Variants in ANO4 observed in about 807,000 individuals in gnomAD.
ANO4 encodes the protein anoctamin-4.
ANO4 carries 69 observed loss-of-function variants against 141.9 expected under a neutral mutation model. That is an observed-to-expected ratio of 0.49 (90% CI 0.40 to 0.59). The LOEUF is 0.59. ANO4 is among the 20% of genes least tolerant of loss of function. The pLI is 0.00. For missense variants in ANO4, 894 were observed against 1,162.2 expected (o/e 0.77, Z 3.36); for synonymous variants, 350 against 394.3 (o/e 0.89, Z 1.33).
chr12:101,087,105 G>A (rs1051887965), intron 17 of ANO4, among the ~76,000 whole-genome samples: 1 of 152,098 alleles, frequency 6.6e-6, no homozygotes, highest in Non-Finnish European at 1.5e-5. Flanking sequence ...AGATTATATT[G>A]TGAACCCCTT....
intron 3 of ANO4, among the ~76,000 whole-genome samples, chr12:100,923,871 A>G (rs1178635015): frequency 6.6e-6 from 1 of 151,938 alleles, no homozygotes; most frequent in Non-Finnish European, 1.5e-5. Flanking sequence ...TTTGATTTGC[A>G]TTTCTCTGAT....
At chr12:100,847,557 C>T (rs370532848) in intron 1 of ANO4, among the ~76,000 whole-genome samples, 23 of 149,492 alleles carry the variant, frequency 1.5e-4, no homozygotes, top group African/African-American at 3.4e-4. Flanking sequence ...CTGCAAGCTC[C>T]GCCTCCCGGG....
chr12:100,831,577 G>C (rs982549961), intron 1 of ANO4, among the ~76,000 whole-genome samples: 1 of 152,124 alleles, frequency 6.6e-6, no homozygotes. Flanking sequence ...GGGCTCCTCA[G>C]TGTGGTAACA....
chr12:101,110,400 C>T lies in ANO4; in HGVS notation c.2150-4C>T, dbSNP rs1462799754. ...TCTGCTCTTTTTCCTTTTTTCTTTT[C>T]TAGTTCTTCAGTTTGGATTCACAAC... On this transcript the variant is annotated splice_polypyrimidine_tract_variant and splice_region_variant and intron_variant, in intron 22 of 27. Transcript: ENST00000392977. 8.8e-6 allele frequency: 14 copies of T among 1,594,032 alleles called. No individual in the cohort carries two copies. The highest frequency in any genetic ancestry group is 7.2e-5 in the Admixed American group (4 of 55,382).
intron 3 of ANO4, among the ~76,000 whole-genome samples, chr12:100,924,297 G>A (rs562981084): frequency 4.6e-5 from 7 of 151,916 alleles, no homozygotes; most frequent in African/African-American, 7.3e-5. Context: ...TCATTATACC[G>A]TCCTCTTGAC....
chr12:101,002,771 A>AT (rs1208993724), intron 8 of ANO4, among the ~76,000 whole-genome samples: 2 of 152,290 alleles, frequency 1.3e-5, no homozygotes, highest in East Asian at 3.9e-4. Flanking sequence ...ACTTGTTTTC[A>AT]TGACTGTGTT....
chr12:101,072,961 T>C (rs1234783314), intron 14 of ANO4, among the ~76,000 whole-genome samples: 2 of 152,086 alleles, frequency 1.3e-5, no homozygotes, highest in African/African-American at 2.4e-5. Context: ...TGTGGAGAAA[T>C]AGGAACGCTT....
At chr12:100,888,462 G>T (rs1171259785) in intron 1 of ANO4, among the ~76,000 whole-genome samples, 3 of 152,244 alleles carry the variant, frequency 2.0e-5, no homozygotes, top group African/African-American at 7.2e-5. Flanking sequence ...AAGAGCAGGA[G>T]CCCTGGGAAA....
chr12:100,912,101 T>A (rs1406790201), intron 2 of ANO4, among the ~76,000 whole-genome samples: 1 of 152,036 alleles, frequency 6.6e-6, no homozygotes, highest in East Asian at 1.9e-4. Context: ...CCCAGGTATT[T>A]AATTTCTTAT....
chr12:101,015,504 C>A (rs1278386390), intron 8 of ANO4, among the ~76,000 whole-genome samples: 1 of 152,110 alleles, frequency 6.6e-6, no homozygotes. Flanking sequence ...TTATCCTATC[C>A]CCCACTGATT....
chr12:100,742,869 A>T (rs531942754), intron 3 of ANO4, among the ~76,000 whole-genome samples: 1 of 152,126 alleles, frequency 6.6e-6, no homozygotes, highest in Admixed American at 6.6e-5. Flanking sequence ...CTTGTATTAG[A>T]CTTTACTTAA....
At chr12:101,105,072 C>T (rs143905402) in intron 22 of ANO4, among the ~76,000 whole-genome samples, 119 of 152,208 alleles carry the variant, frequency 7.8e-4, no homozygotes, top group African/African-American at 2.8e-3. Context: ...GAAGAGCTAA[C>T]CTTAAAACCT....
At chr12:100,873,347 C>T (rs2135933731) in intron 1 of ANO4, among the ~76,000 whole-genome samples, 1 of 152,230 alleles carries the variant, frequency 6.6e-6, no homozygotes, top group African/African-American at 2.4e-5. Context: ...TTGGAATTTC[C>T]TAGAAACTTG....
intron 14 of ANO4, among the ~76,000 whole-genome samples, chr12:101,062,280 C>A (rs1190458500): frequency 1.3e-5 from 2 of 152,210 alleles, no homozygotes; most frequent in Non-Finnish European, 2.9e-5. Flanking sequence ...GGGCACCCCC[C>A]AAATGCCAGC....
At chr12:101,089,280 C>A in intron 17 of ANO4, among the ~76,000 whole-genome samples, 1 of 151,842 alleles carries the variant, frequency 6.6e-6, no homozygotes, top group East Asian at 1.9e-4. Context: ...TAATTAAATG[C>A]AGGTAGCTCA....
At chr12:101,079,298 T>G (rs1566217024) in intron 15 of ANO4, 23 bp downstream of exon 15, 1 of 1,601,202 alleles carries the variant, frequency 6.2e-7, no homozygotes, top group Non-Finnish European at 8.5e-7. Context: ...TACCTCAGAA[T>G]GTTGTAAAAA....
intron 1 of ANO4, among the ~76,000 whole-genome samples, chr12:100,724,776 A>G (rs1274653046): frequency 1.3e-5 from 2 of 152,202 alleles, no homozygotes; most frequent in East Asian, 3.9e-4. Context: ...AGGTTAGGTG[A>G]GGAGATAGAG....
chr12:100,974,911 G>C, intron 7 of ANO4, 22 bp downstream of exon 7: 1 of 1,613,548 alleles, frequency 6.2e-7, no homozygotes. Context: ...GCTCTGTCCT[G>C]ACAGTGTTTG....
chr12:100,896,945 G>T (rs1038739806), intron 1 of ANO4, among the ~76,000 whole-genome samples: 6 of 152,080 alleles, frequency 3.9e-5, no homozygotes, highest in Admixed American at 6.6e-5. Context: ...ACCCTATCAG[G>T]TATGAATTAT....
Sources: allele counts gnomAD v4.1 joint callset (sites outside exome capture counted in the v4.1 genomes callset), GRCh38; gene constraint gnomAD v4.1.1; transcripts MANE v1.5; gene names NCBI Gene and HGNC (gene_info 2026-07-23, HGNC 2026-07-21).